Variants in CSMD1 observed in about 807,000 individuals in gnomAD.
CSMD1 encodes CUB and Sushi multiple domains 1, also known as CUB and sushi domain-containing protein 1.
CSMD1 carries 213 observed loss-of-function variants against 417.5 expected under a neutral mutation model. That is an observed-to-expected ratio of 0.51 (90% CI 0.46 to 0.57). The LOEUF (loss-of-function observed/expected upper bound fraction) is 0.57, where lower values mean the gene tolerates loss of function less well. Ranked by LOEUF, CSMD1 falls within the 20% of genes least tolerant of loss-of-function variation. The pLI, the probability that CSMD1 is intolerant of heterozygous loss-of-function variation, is 0.00. For missense variants in CSMD1, 6,923 were observed against 4,529.7 expected (o/e 1.53, Z -15.17); for synonymous variants, 2,862 against 1,736.8 (o/e 1.65, Z -16.11).
chr8:3,707,092 CCT>C (rs1563293536), intron 7 of CSMD1, among the ~76,000 whole-genome samples: 1 of 152,086 alleles, frequency 6.6e-6, no homozygotes. Context: ...GACATGTTTA[CCT>C]CTCTGTCCTC....
At chr8:3,641,653 G>C (rs1302147086) in intron 7 of CSMD1, among the ~76,000 whole-genome samples, 1 of 152,140 alleles carries the variant, frequency 6.6e-6, no homozygotes, top group East Asian at 1.9e-4. Flanking sequence ...TAGTCACGTA[G>C]GAATTTCAAA....
intron 5 of CSMD1, among the ~76,000 whole-genome samples, chr8:3,921,912 T>C (rs1584969195): frequency 6.6e-6 from 1 of 152,182 alleles, no homozygotes; most frequent in Admixed American, 6.5e-5. Context: ...TGGTCCATAC[T>C]GTTGGCCAAG....
intron 1 of CSMD1, among the ~76,000 whole-genome samples, chr8:4,718,292 A>C (rs1488495345): frequency 6.6e-6 from 1 of 152,168 alleles, no homozygotes; most frequent in African/African-American, 2.4e-5. Flanking sequence ...AATCTATCAA[A>C]ATTTTAAAAA....
chr8:4,853,271 G>C (rs1371690231), intron 1 of CSMD1, among the ~76,000 whole-genome samples: 3 of 152,088 alleles, frequency 2.0e-5, no homozygotes, highest in Admixed American at 6.5e-5. Flanking sequence ...CAGGCCCAGA[G>C]GTCTACAAAG....
intron 1 of CSMD1, among the ~76,000 whole-genome samples, chr8:4,874,814 T>A (rs956185415): frequency 2.0e-5 from 3 of 150,086 alleles, no homozygotes; most frequent in Non-Finnish European, 4.4e-5. Context: ...ATATATATAT[T>A]TACACACACA....
chr8:4,015,844 T>C (rs1444890257), intron 4 of CSMD1, among the ~76,000 whole-genome samples: 1 of 152,126 alleles, frequency 6.6e-6, no homozygotes, highest in African/African-American at 2.4e-5. Context: ...TTCCCAATAA[T>C]GGTTCGTATG....
At chr8:4,936,624 C>T (rs543234631) in intron 1 of CSMD1, among the ~76,000 whole-genome samples, 1 of 152,198 alleles carries the variant, frequency 6.6e-6, no homozygotes, top group South Asian at 2.1e-4. Context: ...CACTAAATTA[C>T]CTGGGGATGC....
Position 4,647,235 on chromosome 8 carries a change from A to AT in CSMD1, c.86-9678dup, listed in dbSNP as rs34641878. Among the ~76,000 whole-genome samples the AT allele has an allele frequency of 3.5e-3, 486 of 139,990 alleles. 3 individuals are homozygous for AT. The highest frequency in any genetic ancestry group is 4.6e-3 in the Admixed American group (64 of 13,894). 91.8% of individuals were successfully genotyped at this position (139,990 alleles called of 152,430 possible). On this transcript the variant is annotated intron_variant, in intron 1 of 69. Transcript: ENST00000635120. Reference sequence around the variant, plus strand: ...TTTCGGGCGCCAGTTTGCTGTTTCTATTTTTTTTTTTTTTTAATTTCTTCT... The same window carrying AT: ...TTTCGGGCGCCAGTTTGCTGTTTCTATTTTTTTTTTTTTTTTAATTTCTTCT...
Position 2,973,220 on chromosome 8 carries a change from A to C in CSMD1, c.8820T>G (p.Ser2940Arg). The change falls in exon 57 of 70, where the codon AGT (serine) becomes AGG (arginine). Residue 2940 changes from serine to arginine, a missense_variant. Physicochemically the swap from Ser to Arg is moderately radical, Grantham distance 110. Coordinates refer to ENST00000635120, the MANE Select transcript of CSMD1 (RefSeq NM_033225.6). ...SRLGDDFKTKSLLRFSCEMGH... is the reference protein window; with the variant it reads ...SRLGDDFKTKRLLRFSCEMGH... ...CCATTTCACAGGAGAAGCGGAGAAG[A>C]CTCTTTGTCTTAAAGTCATCACCAA... The C allele has an allele frequency of 4.3e-6, 7 of 1,613,496 alleles. No individual in the cohort carries two copies. Among genetic ancestry groups the C allele is most frequent in the Non-Finnish European group, 5.9e-6 (7 of 1,179,790 alleles).
At chr8:3,960,729 A>T (rs1471317277) in intron 5 of CSMD1, among the ~76,000 whole-genome samples, 1 of 151,970 alleles carries the variant, frequency 6.6e-6, no homozygotes, top group Admixed American at 6.6e-5. Context: ...GATAAATTTA[A>T]TTCATTTTTA....
At chr8:4,715,558 C>G (rs899513481) in intron 1 of CSMD1, among the ~76,000 whole-genome samples, 1 of 152,072 alleles carries the variant, frequency 6.6e-6, no homozygotes, top group African/African-American at 2.4e-5. Context: ...ATCCAACGGT[C>G]CACCCTGAAC....
intron 3 of CSMD1, among the ~76,000 whole-genome samples, chr8:4,069,113 C>T (rs1799411018): frequency 6.6e-6 from 1 of 151,980 alleles, no homozygotes; most frequent in African/African-American, 2.4e-5. Flanking sequence ...TTTTGATTTC[C>T]TGAAGGGAAA....
intron 5 of CSMD1, among the ~76,000 whole-genome samples, chr8:3,827,948 T>C (rs1250275068): frequency 1.3e-5 from 2 of 152,210 alleles, no homozygotes; most frequent in African/African-American, 2.4e-5. Context: ...AAAGTATCTA[T>C]CCTGACATTG....
At chr8:3,585,109 C>G (rs1319405666) in intron 9 of CSMD1, among the ~76,000 whole-genome samples, 2 of 152,088 alleles carry the variant, frequency 1.3e-5, no homozygotes, top group Admixed American at 1.3e-4. Context: ...AAAGCTGTAT[C>G]CCCTGCATGT....
intron 7 of CSMD1, among the ~76,000 whole-genome samples, chr8:3,646,516 A>T (rs17066731): frequency 0.092 from 13,972 of 152,184 alleles, 1,040 homozygotes; most frequent in African/African-American, 0.21. Flanking sequence ...TGGCGGTGTC[A>T]TCTGTAGCAT....
At chr8:3,624,475 G>A (rs113527609) in intron 7 of CSMD1, among the ~76,000 whole-genome samples, 50 of 152,296 alleles carry the variant, frequency 3.3e-4, no homozygotes, top group African/African-American at 1.1e-3. Context: ...AGGCACTTAC[G>A]ATTGATTATT....
intron 2 of CSMD1, among the ~76,000 whole-genome samples, chr8:4,444,224 C>T (rs1217560129): frequency 1.3e-5 from 2 of 151,658 alleles, no homozygotes; most frequent in African/African-American, 4.8e-5. Flanking sequence ...GACCTGTGAT[C>T]CCAACTACTC....
In CSMD1 at chr8:3,656,130, T is replaced by C. The variant is rs182581778; in HGVS notation, c.1010-39333A>G. On this transcript the variant is annotated intron_variant, in intron 7 of 69. Transcript: ENST00000635120. Reference sequence around the variant, plus strand: ...GATCATGGGGTGCGCAGTGAACTCATTGGGGCGAAAGCCTCTTTAGGAAGG... The same window carrying C: ...GATCATGGGGTGCGCAGTGAACTCACTGGGGCGAAAGCCTCTTTAGGAAGG... Among the ~76,000 whole-genome samples, 801 of 152,290 alleles carry C rather than the reference T, an allele frequency of 5.3e-3. 5 individuals are homozygous for C. The highest frequency in any genetic ancestry group is 0.01 in the Middle Eastern group (3 of 294).
intron 10 of CSMD1, among the ~76,000 whole-genome samples, chr8:3,519,420 G>A (rs7817423): frequency 0.15 from 23,158 of 152,128 alleles, 1,940 homozygotes; most frequent in Admixed American, 0.22. Flanking sequence ...ATTGCATGCT[G>A]GTTCATGTAA....
Sources: gnomAD v4.1 joint callset for allele counts (sites outside exome capture counted in the v4.1 genomes callset) on GRCh38, gnomAD v4.1.1 for gene constraint, MANE v1.5 for transcripts, NCBI Gene and HGNC (gene_info 2026-07-23, HGNC 2026-07-21) for gene names.